CDKAL1: variants seen among roughly 807,000 people sequenced by gnomAD.
CDKAL1 encodes the protein CDKAL1 threonylcarbamoyladenosine tRNA methylthiotransferase.
Under a neutral mutation model 68.2 loss-of-function variants are expected in CDKAL1, and 32 were observed. The ratio of observed to expected loss-of-function variants is 0.47; its 90% CI spans 0.35 to 0.63. CDKAL1 has a LOEUF of 0.63. Among genes scored for constraint, CDKAL1 ranks in the 30% least tolerant of loss-of-function variants. CDKAL1 has a pLI of 0.00. For synonymous variants in CDKAL1, 234 were observed against 244.3 expected (o/e 0.96, Z 0.39); for missense variants, 606 against 696.7 (o/e 0.87, Z 1.47).
At chr6:21,138,474 A>T (rs575384613) in intron 13 of CDKAL1, among the ~76,000 whole-genome samples, 53 of 152,322 alleles carry the variant, frequency 3.5e-4, no homozygotes, top group African/African-American at 1.3e-3. Flanking sequence ...GCTTTCTCTC[A>T]TTGACTAGCT....
chr6:20,914,722 G>A (rs9350299), intron 9 of CDKAL1, among the ~76,000 whole-genome samples: 12 of 152,218 alleles, frequency 7.9e-5, no homozygotes, highest in East Asian at 7.7e-4. Flanking sequence ...TGCTTCTACC[G>A]CATAGAACAT....
intron 4 of CDKAL1, among the ~76,000 whole-genome samples, chr6:20,562,121 T>C (rs1038693244): frequency 2.6e-5 from 4 of 152,226 alleles, no homozygotes; most frequent in African/African-American, 9.6e-5. Context: ...TTTCCATTTA[T>C]TTGTGTGTGT....
At chr6:20,795,669 G>T (rs965573679) in intron 8 of CDKAL1, among the ~76,000 whole-genome samples, 1 of 151,966 alleles carries the variant, frequency 6.6e-6, no homozygotes, top group Admixed American at 6.6e-5. Context: ...TTTTACTAAC[G>T]GCTGTTGCCA....
chr6:20,962,381 C>T (rs959594031), intron 10 of CDKAL1, among the ~76,000 whole-genome samples: 1 of 152,090 alleles, frequency 6.6e-6, no homozygotes, highest in African/African-American at 2.4e-5. Context: ...TCCTGCTACC[C>T]TAGATTTTTG....
chr6:20,711,426 TAGAGTC>T (rs1480661624), intron 5 of CDKAL1, among the ~76,000 whole-genome samples: 3 of 152,190 alleles, frequency 2.0e-5, no homozygotes, highest in Non-Finnish European at 4.4e-5. Flanking sequence ...GTTTTGGACT[TAGAGTC>T]AGAAGACAAA....
intron 11 of CDKAL1, among the ~76,000 whole-genome samples, chr6:21,007,808 G>A (rs1404844408): frequency 6.6e-6 from 1 of 152,162 alleles, no homozygotes; most frequent in African/African-American, 2.4e-5. Context: ...TTTGCCCAAA[G>A]TCATGCAGTT....
intron 8 of CDKAL1, among the ~76,000 whole-genome samples, chr6:20,790,093 G>A (rs1034625713): frequency 1.3e-5 from 2 of 152,168 alleles, no homozygotes; most frequent in Non-Finnish European, 2.9e-5. Flanking sequence ...ACCACACCTA[G>A]CCGGGACATC....
At chr6:21,189,355 A>G (rs1467925565) in intron 13 of CDKAL1, among the ~76,000 whole-genome samples, 1 of 152,246 alleles carries the variant, frequency 6.6e-6, no homozygotes, top group Non-Finnish European at 1.5e-5. Flanking sequence ...ACTCATGGCA[A>G]TTAATAGATA....
chr6:20,796,154 A>C (rs1350631070), intron 8 of CDKAL1, among the ~76,000 whole-genome samples: 1 of 152,224 alleles, frequency 6.6e-6, no homozygotes, highest in Non-Finnish European at 1.5e-5. Flanking sequence ...TCATAAGTGA[A>C]TATAGCAAGG....
chr6:20,839,214 T>A (rs1310358955), intron 8 of CDKAL1, among the ~76,000 whole-genome samples: 2 of 152,128 alleles, frequency 1.3e-5, no homozygotes. Flanking sequence ...TCTGTAGAAC[T>A]CGATGGATTT....
intron 13 of CDKAL1, among the ~76,000 whole-genome samples, chr6:21,155,405 A>AGCTTC (rs1219663882): frequency 6.6e-6 from 1 of 152,210 alleles, no homozygotes; most frequent in Non-Finnish European, 1.5e-5. Context: ...CTCAAGCTGG[A>AGCTTC]CATGAAAATC....
intron 5 of CDKAL1, among the ~76,000 whole-genome samples, chr6:20,668,487 G>A (rs918544966): frequency 6.6e-6 from 1 of 152,080 alleles, no homozygotes; most frequent in Non-Finnish European, 1.5e-5. Flanking sequence ...ATGTGCTACT[G>A]CGCCAGCTTA....
At chr6:20,670,120 G>T (rs903740964) in intron 5 of CDKAL1, among the ~76,000 whole-genome samples, 3 of 152,064 alleles carry the variant, frequency 2.0e-5, no homozygotes, top group Admixed American at 6.6e-5. Context: ...TACATTATTT[G>T]TTCAATCCTA....
At chr6:20,947,256 C>T (rs1002174127) in intron 9 of CDKAL1, among the ~76,000 whole-genome samples, 1 of 152,168 alleles carries the variant, frequency 6.6e-6, no homozygotes, top group African/African-American at 2.4e-5. Context: ...GATGGGGTCA[C>T]ATCCCAGTAA....
chr6:20,961,309 G>C (rs1468683828), intron 10 of CDKAL1, among the ~76,000 whole-genome samples: 2 of 152,104 alleles, frequency 1.3e-5, no homozygotes, highest in Non-Finnish European at 2.9e-5. Flanking sequence ...TGGAACTAGA[G>C]GCCATTATCC....
chr6:21,111,564 A>G (rs991532391), intron 13 of CDKAL1, among the ~76,000 whole-genome samples: 1 of 152,210 alleles, frequency 6.6e-6, no homozygotes. Flanking sequence ...GAGTGAGCCC[A>G]GGTGCATTTC....
At chr6:20,594,640 C>T (rs1209359995) in intron 4 of CDKAL1, among the ~76,000 whole-genome samples, 1 of 152,090 alleles carries the variant, frequency 6.6e-6, no homozygotes, top group Non-Finnish European at 1.5e-5. Context: ...TCCAATTTGC[C>T]AGTCCGTGTC....
Position 20,777,910 on chromosome 6 carries a change from G to A in CDKAL1, c.518-3235G>A, listed in dbSNP as rs375006343. Among the ~76,000 whole-genome samples, 47 of 152,326 alleles carry A rather than the reference G, an allele frequency of 3.1e-4. No individual in the cohort carries two copies. In the East Asian group the frequency reaches 6.4e-3, roughly 21 times the overall value. On this transcript the variant is annotated intron_variant, in intron 7 of 15. Coordinates refer to ENST00000274695, the MANE Select transcript of CDKAL1 (RefSeq NM_017774.3). ...ACACTGTAATAAAAGTTATGTGAAT[G>A]TGGAGTGTCTCTCCCTGTCACAAAA...
chr6:20,840,988 T>G (rs1363893428), intron 8 of CDKAL1, among the ~76,000 whole-genome samples: 3 of 152,204 alleles, frequency 2.0e-5, no homozygotes, highest in Non-Finnish European at 4.4e-5. Flanking sequence ...AAGGGCTTAT[T>G]ATTTTGTAAC....
Sources: allele counts gnomAD v4.1 joint callset (sites outside exome capture counted in the v4.1 genomes callset), GRCh38; gene constraint gnomAD v4.1.1; transcripts MANE v1.5; gene names NCBI Gene and HGNC (gene_info 2026-07-23, HGNC 2026-07-21).